Variants in AP3S2 observed in about 807,000 individuals in gnomAD.
AP3S2 encodes adaptor related protein complex 3 subunit sigma 2, also known as AP-3 complex subunit sigma-2.
AP3S2 carries 22 observed loss-of-function variants against 23.4 expected under a neutral mutation model. The ratio of observed to expected loss-of-function variants is 0.94; its 90% CI spans 0.67 to 1.34. AP3S2 has a LOEUF of 1.34. Ranked by LOEUF, AP3S2 falls within the 40% of genes most tolerant of loss-of-function variation. AP3S2 has a pLI of 0.00. For missense variants in AP3S2, 241 were observed against 236.9 expected, an observed-to-expected ratio of 1.02 and a Z score of -0.11; for synonymous variants, 86 against 87.1, an observed-to-expected ratio of 0.99 and a Z score of 0.07.
At chr15:89,893,114 G>T (rs1041163322) in intron 1 of AP3S2, 1 of 152,178 alleles carries the variant, frequency 6.6e-6, no homozygotes, top group Admixed American at 6.5e-5. Context: ...GTCAACAGAC[G>T]CAAGAGTAGA....
rs542692575 is a variant in AP3S2, at chr15:89,833,593, C to T, written c.*1922G>A. On this transcript the variant is annotated 3_prime_UTR_variant, in exon 6 of 6. Transcript: ENST00000336418. Reference sequence around the variant, plus strand: ...GCCGATCTCCTTTATTCTGATCTCACATTCAGCAAATGTGAGAGAAATGTG... The same window carrying T: ...GCCGATCTCCTTTATTCTGATCTCATATTCAGCAAATGTGAGAGAAATGTG... 6.6e-6 allele frequency: 1 copy of T among 152,362 alleles called. No individual in the cohort carries two copies. Among genetic ancestry groups the T allele is most frequent in the African/African-American group, 2.4e-5 (1 of 41,590 alleles). 9.4% of individuals were successfully genotyped at this position (152,362 alleles called of 1,614,324 possible). A position where few individuals can be genotyped will look rare whatever the true frequency, so the allele number is the denominator to read the frequency against.
intron 4 of AP3S2, among the ~76,000 whole-genome samples, chr15:89,843,101 C>T (rs575656323): frequency 7.6e-5 from 6 of 78,512 alleles, no homozygotes; most frequent in African/African-American, 2.2e-4. Flanking sequence ...TCTCTTGCTT[C>T]AGCCTCCTGA....
chr15:89,874,091 C>T (rs1896384847), intron 3 of AP3S2, among the ~76,000 whole-genome samples: 1 of 148,918 alleles, frequency 6.7e-6, no homozygotes, highest in Non-Finnish European at 1.5e-5. Context: ...ACCATGTTGG[C>T]CAGGCTTTCT....
At chr15:89,844,248 TTTC>T (rs1895420692) in intron 4 of AP3S2, among the ~76,000 whole-genome samples, 8 of 50,634 alleles carry the variant, frequency 1.6e-4, no homozygotes, top group African/African-American at 5.3e-4. Context: ...TCTTTCTTTC[TTTC>T]TTTCTTTCTT....
At chr15:89,854,538 G>T (rs1238022334) in intron 4 of AP3S2, among the ~76,000 whole-genome samples, 1 of 68,900 alleles carries the variant, frequency 1.5e-5, no homozygotes, top group Non-Finnish European at 3.0e-5. Flanking sequence ...TCAGCCCCCC[G>T]CCCGGCCAGC....
chr15:89,844,195 CTCTTTCTTTCTTTCTCTTTCTT>C (rs1166004483), intron 4 of AP3S2, among the ~76,000 whole-genome samples: 6 of 151,748 alleles, frequency 4.0e-5, no homozygotes, highest in African/African-American at 1.4e-4. Context: ...CCAAAAAACC[CTCTTTCTTTCTTTCTCTTTCTT>C]TCTTTCTTTC....
intron 4 of AP3S2, among the ~76,000 whole-genome samples, chr15:89,860,716 A>T (rs1490345603): frequency 1.3e-5 from 2 of 152,126 alleles, no homozygotes; most frequent in Non-Finnish European, 2.9e-5. Flanking sequence ...TTTCCTTATT[A>T]CTTAAGCCAA....
At chr15:89,854,516 A>G (rs1230143144) in intron 4 of AP3S2, among the ~76,000 whole-genome samples, 2 of 53,752 alleles carry the variant, frequency 3.7e-5, no homozygotes, top group African/African-American at 7.4e-5. Flanking sequence ...TCCGGGAGGG[A>G]GGTGGGGGGG....
intron 4 of AP3S2, among the ~76,000 whole-genome samples, chr15:89,858,315 C>T (rs1468203396): frequency 6.6e-6 from 1 of 151,926 alleles, no homozygotes. Flanking sequence ...GTGGCGCACG[C>T]CTATAATCCC....
chr15:89,866,414 T>A (rs1026571757), intron 4 of AP3S2, among the ~76,000 whole-genome samples: 3 of 151,772 alleles, frequency 2.0e-5, no homozygotes, highest in African/African-American at 7.3e-5. Context: ...ACAGCTGTCT[T>A]CTCCAGGTGT....
chr15:89,890,321 A>AT (rs1896792074), intron 1 of AP3S2, among the ~76,000 whole-genome samples: 1 of 152,210 alleles, frequency 6.6e-6, no homozygotes, highest in Non-Finnish European at 1.5e-5. Context: ...AAGTGCTGGG[A>AT]TTACAGGTGT....
chr15:89,871,577 A>G (rs1896320143), intron 3 of AP3S2, 31 bp from the exon 4 acceptor site: 2 of 1,606,892 alleles, frequency 1.2e-6, no homozygotes, highest in South Asian at 1.1e-5. Flanking sequence ...GATAAAGAAG[A>G]GAAATAGGAA....
At chr15:89,840,304 A>G (rs1161689842) in intron 4 of AP3S2, among the ~76,000 whole-genome samples, 1 of 152,202 alleles carries the variant, frequency 6.6e-6, no homozygotes, top group East Asian at 1.9e-4. Context: ...TATTTAGCCA[A>G]TCCCTGTGTG....
intron 4 of AP3S2, among the ~76,000 whole-genome samples, chr15:89,862,840 A>T (rs181867929): frequency 9.2e-5 from 14 of 152,346 alleles, no homozygotes; most frequent in Non-Finnish European, 1.3e-4. Flanking sequence ...CGAGCCATAC[A>T]TCAAGACTAG....
chr15:89,879,595 G>T (rs943449026), intron 3 of AP3S2, among the ~76,000 whole-genome samples: 3 of 152,072 alleles, frequency 2.0e-5, no homozygotes, highest in Non-Finnish European at 4.4e-5. Flanking sequence ...TATAGAGTAT[G>T]ATTACTTTTA....
At chr15:89,872,835 A>G (rs1281067540) in intron 3 of AP3S2, among the ~76,000 whole-genome samples, 1 of 152,228 alleles carries the variant, frequency 6.6e-6, no homozygotes, top group Non-Finnish European at 1.5e-5. Context: ...CGACTCTGAT[A>G]CCAAGATGCA....
At chr15:89,867,001 TCTCCCC>T (rs1896142627) in intron 4 of AP3S2, among the ~76,000 whole-genome samples, 1 of 52,128 alleles carries the variant, frequency 1.9e-5, no homozygotes, top group Non-Finnish European at 3.7e-5. Context: ...TCCCTCTCCC[TCTCCCC>T]CTACCCCTCC....
In AP3S2 at chr15:89,835,117, C is replaced by T; in HGVS notation, c.*398G>A. The T allele has an allele frequency of 4.2e-6, 1 of 238,150 alleles. No homozygotes were observed. Among genetic ancestry groups the T allele is most frequent in the Non-Finnish European group, 8.0e-6 (1 of 124,342 alleles). 14.8% of individuals were successfully genotyped at this position (238,150 alleles called of 1,614,324 possible). On this transcript the variant is annotated 3_prime_UTR_variant, in exon 6 of 6. Transcript: ENST00000336418. ...TGTGGTGCTAAGGATGAAGACTCTACTCAGAGAAGGTGCTCAGCCCTAGTG... is the reference window on the plus strand; with the variant it reads ...TGTGGTGCTAAGGATGAAGACTCTATTCAGAGAAGGTGCTCAGCCCTAGTG...
At chr15:89,840,796 A>C (rs1404391968) in intron 4 of AP3S2, among the ~76,000 whole-genome samples, 1 of 152,200 alleles carries the variant, frequency 6.6e-6, no homozygotes, top group East Asian at 1.9e-4. Context: ...AAATGATCCC[A>C]ATGTCATGTA....
Sources: gnomAD v4.1 joint callset for allele counts (sites outside exome capture counted in the v4.1 genomes callset) on GRCh38, gnomAD v4.1.1 for gene constraint, MANE v1.5 for transcripts, NCBI Gene and HGNC (gene_info 2026-07-23, HGNC 2026-07-21) for gene names.